Variants in PMF1 observed in about 807,000 individuals in gnomAD.
The protein encoded by PMF1 is polyamine-modulated factor 1.
In PMF1, 21 loss-of-function variants were observed where a neutral mutation model predicts 26.7. That is an observed-to-expected ratio of 0.79 (90% CI 0.56 to 1.13). PMF1 has a LOEUF of 1.13. Ranked by LOEUF, PMF1 falls within the 50% of genes most tolerant of loss-of-function variation. The probability of loss-of-function intolerance (pLI) is 0.00; values close to 1 mark genes in which losing one functional copy is unlikely to be tolerated. For synonymous variants in PMF1, 105 were observed against 101.0 expected (o/e 1.04, Z -0.24); for missense variants, 266 against 254.9 (o/e 1.04, Z -0.30).
chr1:156,214,324 CCTT>C (rs1657565291), intron 1 of PMF1, among the ~76,000 whole-genome samples: 2 of 152,200 alleles, frequency 1.3e-5, no homozygotes, highest in Non-Finnish European at 1.5e-5. Flanking sequence ...CACAGCCTCT[CCTT>C]CTCTAGCCCT....
At chr1:156,220,305 C>T (rs982699186) in intron 1 of PMF1, among the ~76,000 whole-genome samples, 2 of 152,168 alleles carry the variant, frequency 1.3e-5, no homozygotes, top group African/African-American at 4.8e-5. Flanking sequence ...AGTGATCTTC[C>T]TGCCTCAGCG....
chr1:156,238,079 G>A (rs568180692), intron 4 of PMF1, among the ~76,000 whole-genome samples: 1 of 152,184 alleles, frequency 6.6e-6, no homozygotes, highest in African/African-American at 2.4e-5. Context: ...CCGACAATCA[G>A]TTGGCCATAA....
chr1:156,230,507 G>C (rs1658632704), intron 1 of PMF1, among the ~76,000 whole-genome samples: 1 of 152,152 alleles, frequency 6.6e-6, no homozygotes. Context: ...CCAGTTCCTG[G>C]TGGGTGATCA....
intron 1 of PMF1, 36 bp from the exon 2 acceptor site, chr1:156,232,284 G>A: frequency 1.2e-6 from 2 of 1,602,664 alleles, no homozygotes; most frequent in South Asian, 1.1e-5. Flanking sequence ...CCTCATGCTT[G>A]GCCCTCCCCA....
chr1:156,239,397 C>T (rs1165218115), intron 4 of PMF1, 151 bp from the exon 5 acceptor site: 3 of 631,020 alleles, frequency 4.8e-6, no homozygotes, highest in Non-Finnish European at 8.6e-6. Context: ...GTGCCTTCAT[C>T]CTAACATGCT....
chr1:156,220,690 CTT>C (rs1353276456), intron 1 of PMF1: 1 of 151,956 alleles, frequency 6.6e-6, no homozygotes, highest in Admixed American at 6.6e-5. Context: ...GAGTTTCACT[CTT>C]GTTGCCCAGA....
At chr1:156,236,626 C>T in intron 4 of PMF1, 143 bp downstream of exon 4, 1 of 1,127,344 alleles carries the variant, frequency 8.9e-7, no homozygotes, top group Non-Finnish European at 1.2e-6. Flanking sequence ...TCATGAATTA[C>T]CTCTCCTTGG....
At chr1:156,235,399 C>T (rs1658947522) in intron 3 of PMF1, among the ~76,000 whole-genome samples, 1 of 150,614 alleles carries the variant, frequency 6.6e-6, no homozygotes, top group African/African-American at 2.4e-5. Context: ...GCTGAGATTA[C>T]AGGCATGAGC....
chr1:156,233,097 T>A (rs937071940), intron 2 of PMF1, among the ~76,000 whole-genome samples: 2 of 151,954 alleles, frequency 1.3e-5, no homozygotes, highest in African/African-American at 2.4e-5. Context: ...AAAGATTTTT[T>A]AAATAAAAAT....
chr1:156,214,611 C>T (rs2103069596), intron 1 of PMF1, among the ~76,000 whole-genome samples: 1 of 152,150 alleles, frequency 6.6e-6, no homozygotes, highest in East Asian at 1.9e-4. Context: ...TCAACAGTGA[C>T]TCATGCCTGT....
chr1:156,228,970 G>A (rs1200656696), intron 1 of PMF1, among the ~76,000 whole-genome samples: 3 of 152,048 alleles, frequency 2.0e-5, no homozygotes, highest in African/African-American at 4.8e-5. Flanking sequence ...GTGCAGTGGC[G>A]TGATCTCAGC....
At chr1:156,229,646 C>T (rs911361497) in intron 1 of PMF1, among the ~76,000 whole-genome samples, 6 of 151,746 alleles carry the variant, frequency 4.0e-5, no homozygotes, top group African/African-American at 9.7e-5. Context: ...TCTCAGCTCA[C>T]GGCAACCTCT....
intron 1 of PMF1, among the ~76,000 whole-genome samples, chr1:156,221,900 G>C (rs765346480): frequency 2.6e-5 from 4 of 152,012 alleles, no homozygotes; most frequent in Non-Finnish European, 5.9e-5. Context: ...TCTCGCCTCC[G>C]ACTCCTCCTT....
intron 1 of PMF1, among the ~76,000 whole-genome samples, chr1:156,215,124 C>T (rs561940306): frequency 6.6e-6 from 1 of 152,238 alleles, no homozygotes; most frequent in African/African-American, 2.4e-5. Flanking sequence ...GATCCACTCA[C>T]CTCTGCCTCC....
chr1:156,236,141 G>C (rs534722755), intron 3 of PMF1, 147 bp from the exon 4 acceptor site: 1 of 1,007,538 alleles, frequency 9.9e-7, no homozygotes, highest in East Asian at 2.5e-5. Flanking sequence ...GGTCTTGGGA[G>C]GTGAGAGGGA....
intron 1 of PMF1, among the ~76,000 whole-genome samples, chr1:156,217,257 AAG>A (rs1657821463): frequency 6.7e-6 from 1 of 150,160 alleles, no homozygotes; most frequent in Admixed American, 6.6e-5. Context: ...AAAAAAAAAA[AAG>A]GAATAGAGAG....
At chr1:156,214,887 T>A (rs4661154) in intron 1 of PMF1, among the ~76,000 whole-genome samples, 4,069 of 149,898 alleles carry the variant, frequency 0.027, 76 homozygotes, top group Middle Eastern at 0.045. Flanking sequence ...TATTATTATT[T>A]TTTTTTTTTA....
intron 3 of PMF1, among the ~76,000 whole-genome samples, chr1:156,234,799 G>A (rs916051620): frequency 3.9e-5 from 6 of 151,978 alleles, no homozygotes; most frequent in East Asian, 1.9e-4. Context: ...GTGAGCCCTC[G>A]CGCCCAGCCT....
chr1:156,223,830 C>G (rs1223131485), intron 1 of PMF1: 1 of 152,200 alleles, frequency 6.6e-6, no homozygotes, highest in Admixed American at 6.5e-5. Flanking sequence ...CCCATGCTGT[C>G]TCATACCCAT....
Sources: gnomAD v4.1 joint callset for allele counts (sites outside exome capture counted in the v4.1 genomes callset) on GRCh38, gnomAD v4.1.1 for gene constraint, MANE v1.5 for transcripts, NCBI Gene and HGNC (gene_info 2026-07-23, HGNC 2026-07-21) for gene names.